The following RPTOR variants were observed in gnomAD, a reference collection of about 807,000 sequenced individuals.
RPTOR encodes regulatory associated protein of MTOR complex 1.
Under a neutral mutation model 169.9 loss-of-function variants are expected in RPTOR, and 21 were observed. The observed-to-expected ratio is 0.12, with a 90% CI of 0.09 to 0.18. The LOEUF is 0.18. Ranked by LOEUF, RPTOR falls within the 10% of genes least tolerant of loss-of-function variation. The pLI is 1.00. For synonymous variants in RPTOR, 732 were observed against 753.2 expected (o/e 0.97, Z 0.46); for missense variants, 1,133 against 1,855.9 (o/e 0.61, Z 7.16).
At chr17:80,809,990 G>T (rs1322869075) in intron 7 of RPTOR, among the ~76,000 whole-genome samples, 2 of 152,042 alleles carry the variant, frequency 1.3e-5, no homozygotes, top group Non-Finnish European at 2.9e-5. Context: ...CCGTCCAGCA[G>T]TGAGCTGAGA....
In RPTOR at chr17:80,947,670, G is replaced by A. The variant is rs1005490754; in HGVS notation, c.3265+319G>A. On this transcript the variant is annotated intron_variant, in intron 27 of 33. Coordinates refer to ENST00000306801, the MANE Select transcript of RPTOR (RefSeq NM_020761.3). The surrounding 1 kb of genome is among the most constrained non-coding windows in gnomAD (Gnocchi z 4.4). ...CTGTGAGAGACCCGGTGGGTCCCAC[G>A]TGACACCCGAGAATCAGGGAAGGAT... is the stretch of plus-strand genomic sequence containing the variant. Among the ~76,000 whole-genome samples, 2 of 152,074 alleles carry A rather than the reference G, an allele frequency of 1.3e-5. No homozygotes were observed. The highest frequency in any genetic ancestry group is 6.5e-5 in the Admixed American group (1 of 15,270).
chr17:80,741,630 G>A (rs1210391773), intron 5 of RPTOR, among the ~76,000 whole-genome samples: 1 of 152,220 alleles, frequency 6.6e-6, no homozygotes, highest in African/African-American at 2.4e-5. Flanking sequence ...AGAGATGTTT[G>A]TTCAGCATCT....
chr17:80,593,931 C>A (rs1399173546), intron 1 of RPTOR: 1 of 152,204 alleles, frequency 6.6e-6, no homozygotes, highest in Non-Finnish European at 1.5e-5. Flanking sequence ...TTGGACTCCT[C>A]CGTGATTCTA....
At chr17:80,817,111 A>C (rs906315802) in intron 7 of RPTOR, among the ~76,000 whole-genome samples, 7 of 152,224 alleles carry the variant, frequency 4.6e-5, no homozygotes, top group Non-Finnish European at 8.8e-5. Context: ...ACCGAGCCGC[A>C]CAGCGGGAGG....
intron 17 of RPTOR, among the ~76,000 whole-genome samples, chr17:80,891,344 G>A (rs183768812): frequency 3.0e-4 from 45 of 152,370 alleles, no homozygotes; most frequent in Admixed American, 6.5e-4. Context: ...GATCTAGAGC[G>A]GCGTTTTCAG....
intron 1 of RPTOR, among the ~76,000 whole-genome samples, chr17:80,599,050 GTGT>G (rs2065166746): frequency 6.6e-6 from 1 of 152,098 alleles, no homozygotes; most frequent in Non-Finnish European, 1.5e-5. Flanking sequence ...CTGGCAGATG[GTGT>G]TGTCCTCACA....
chr17:80,881,294 C>T (rs1477247210), intron 14 of RPTOR, among the ~76,000 whole-genome samples: 1 of 152,194 alleles, frequency 6.6e-6, no homozygotes, highest in Non-Finnish European at 1.5e-5. Context: ...ACAGTATGTG[C>T]ACTTTGTGTT....
chr17:80,732,272 C>T lies in RPTOR; in HGVS notation c.654+1566C>T, dbSNP rs567918137. Among the ~76,000 whole-genome samples the T allele has an allele frequency of 1.1e-3, 163 of 152,190 alleles. 1 individual carries two copies. Among genetic ancestry groups the T allele is most frequent in the South Asian group, 1.7e-3 (8 of 4,818 alleles). On this transcript the variant is annotated intron_variant, in intron 5 of 33. Transcript: ENST00000306801. ...GGCTGGAGAGTGGTTAAGGGAAAGA[C>T]CAATACATCAGCCTCAGTTAATTAA...
intron 11 of RPTOR, among the ~76,000 whole-genome samples, chr17:80,852,457 C>T (rs920028359): frequency 2.0e-5 from 3 of 152,042 alleles, no homozygotes; most frequent in African/African-American, 4.8e-5. Flanking sequence ...ACATATCCTG[C>T]GAGCAGTCCC....
rs923899538 is a variant in RPTOR, at chr17:80,828,476, G to A, written c.1136+5253G>A. On this transcript the variant is annotated intron_variant, in intron 9 of 33. Transcript: ENST00000306801. ...GTCGTCTTGGTGACTCCCACGCTTC[G>A]ATGCCTGGCCGAGACCCGCCTGGCT... Among the ~76,000 whole-genome samples the A allele has an allele frequency of 2.6e-5, 4 of 152,310 alleles. No homozygotes were observed. In the East Asian group the frequency reaches 5.8e-4, roughly 22 times the overall value.
At position 80,820,166 on chromosome 17, in the gene RPTOR, G is replaced by A. The variant is rs2093761929; in HGVS notation, c.891-2035G>A. ...CCTAGGCCACAGAGCTTCGGCGTGT[G>A]GTCTGGGCGCTGTCTGTCCTCTGCA... is the stretch of plus-strand genomic sequence containing the variant. On this transcript the variant is annotated intron_variant, in intron 7 of 33. Transcript: ENST00000306801. This position sits in a 1 kb window ranked among gnomAD's most constrained non-coding sequence, Gnocchi z 4.1. Among the ~76,000 whole-genome samples the A allele has an allele frequency of 6.6e-6, 1 of 152,186 alleles. No homozygotes were observed. Among genetic ancestry groups the A allele is most frequent in the Admixed American group, 6.5e-5 (1 of 15,284 alleles).
intron 3 of RPTOR, among the ~76,000 whole-genome samples, chr17:80,675,355 A>G (rs1361411760): frequency 6.6e-6 from 1 of 152,202 alleles, no homozygotes; most frequent in Admixed American, 6.5e-5. Flanking sequence ...GTTTGCTTCT[A>G]TCAAGTGCTT....
rs543156069 is a variant in RPTOR at position 80,708,061 on chromosome 17, G to C, written c.507+62G>C. 6.6e-7 allele frequency: 1 copy of C among 1,525,214 alleles called. No homozygotes were observed. The highest frequency in any genetic ancestry group is 8.9e-7 in the Non-Finnish European group (1 of 1,119,734). The allele number at this position is 1,525,214 out of a possible 1,614,324, so 94.5% of individuals were successfully genotyped here. On this transcript the variant is annotated intron_variant, in intron 4 of 33. Coordinates refer to ENST00000306801, the MANE Select transcript of RPTOR (RefSeq NM_020761.3). The surrounding 1 kb of genome is among the most constrained non-coding windows in gnomAD (Gnocchi z 4.2). ...AAAAGCCATGCCAATTGCGGTGGTC[G>C]GAGCAGGTCCTGCCCATCCGTAGCT...
At chr17:80,778,869 A>G (rs760119069) in intron 6 of RPTOR, among the ~76,000 whole-genome samples, 8 of 152,304 alleles carry the variant, frequency 5.3e-5, no homozygotes, top group African/African-American at 1.2e-4. Context: ...AGAAGGAACA[A>G]CTGTCGTGGC....
chr17:80,843,182 G>T (rs1439988662), intron 10 of RPTOR, among the ~76,000 whole-genome samples: 1 of 152,138 alleles, frequency 6.6e-6, no homozygotes, highest in African/African-American at 2.4e-5. Flanking sequence ...GATTGATTTG[G>T]GAGAAGTCAC....
At chr17:80,809,126 A>G (rs2067247822) in intron 7 of RPTOR, among the ~76,000 whole-genome samples, 1 of 152,272 alleles carries the variant, frequency 6.6e-6, no homozygotes, top group Admixed American at 6.5e-5. Context: ...AGTTCCTGCC[A>G]GTAACAACAG....
Position 80,947,397 on chromosome 17 carries a change from G to C in RPTOR, c.3265+46G>C. On this transcript the variant is annotated intron_variant, in intron 27 of 33. Coordinates refer to ENST00000306801, the MANE Select transcript of RPTOR (RefSeq NM_020761.3). The surrounding 1 kb of genome is among the most constrained non-coding windows in gnomAD (Gnocchi z 4.4). ...CAGGATTGGAAGCCAGGGTCTGGAG[G>C]AGTGGCGGGGAGGGTGTGTGATCCT... 6.7e-7 allele frequency: 1 copy of C among 1,491,944 alleles called. No individual in the cohort carries two copies. The allele number at this position is 1,491,944 out of a possible 1,614,324, so 92.4% of individuals were successfully genotyped here.
At chr17:80,711,677 A>G (rs1325286480) in intron 4 of RPTOR, among the ~76,000 whole-genome samples, 1 of 151,178 alleles carries the variant, frequency 6.6e-6, no homozygotes, top group African/African-American at 2.4e-5. Context: ...TTGACTTTTT[A>G]AATGACTTTT....
intron 2 of RPTOR, among the ~76,000 whole-genome samples, chr17:80,634,873 C>CCGTG (rs1385874891): frequency 1.5e-5 from 1 of 67,360 alleles, no homozygotes; most frequent in Non-Finnish European, 3.3e-5. Flanking sequence ...TGTGTGCATA[C>CCGTG]TGTGTGCATA....
Sources: allele counts gnomAD v4.1 joint callset (sites outside exome capture counted in the v4.1 genomes callset), GRCh38; gene constraint gnomAD v4.1.1; non-coding constraint Gnocchi (gnomAD v3.1); transcripts MANE v1.5; gene names NCBI Gene and HGNC (gene_info 2026-07-23, HGNC 2026-07-21).